Variants in SEMA3A observed in about 807,000 individuals in gnomAD.
SEMA3A encodes semaphorin-3A.
In SEMA3A, 29 loss-of-function variants were observed where a neutral mutation model predicts 97.9. That is an observed-to-expected ratio of 0.30 (90% CI 0.22 to 0.40). The LOEUF is 0.40. Among genes scored for constraint, SEMA3A ranks in the 10% least tolerant of loss-of-function variants. The pLI is 1.00. For synonymous variants in SEMA3A, 321 were observed against 323.7 expected, an observed-to-expected ratio of 0.99 and a Z score of 0.09; for missense variants, 763 against 951.3, an observed-to-expected ratio of 0.80 and a Z score of 2.60.
chr7:84,042,899 A>G (rs781550152), intron 6 of SEMA3A, among the ~76,000 whole-genome samples: 14 of 152,120 alleles, frequency 9.2e-5, no homozygotes, highest in Non-Finnish European at 4.4e-5. Flanking sequence ...ACTAAATGTT[A>G]AGATATCATT....
chr7:84,425,467 A>ATATTTATATGCATATAAATATATG lies in SEMA3A; in HGVS notation c.-245-53568_-245-53567insCATATATTTATATGCATATAAATA, dbSNP rs1562943618. 2.2e-5 allele frequency among the ~76,000 whole-genome samples: 3 copies of ATATTTATATGCATATAAATATATG among 139,434 alleles called. 1 individual carries two copies. The highest frequency in any genetic ancestry group is 4.3e-4 in the South Asian group (2 of 4,676). The allele number at this position is 139,434 out of a possible 152,430, so 91.5% of individuals were successfully genotyped here. ...TATATTTATATGCATATAAATATAT[A>ATATTTATATGCATATAAATATATG]CATATATTTATATAAAAATATAATT... On this transcript the variant is annotated intron_variant, in intron 1 of 3. Transcript: ENST00000424555.
chr7:84,086,391 T>C (rs1794342280), intron 4 of SEMA3A, among the ~76,000 whole-genome samples: 1 of 149,290 alleles, frequency 6.7e-6, no homozygotes, highest in Non-Finnish European at 1.5e-5. Context: ...GATGATAACA[T>C]ATACACTCTT....
chr7:83,971,705 T>C (rs1201396271), intron 15 of SEMA3A, among the ~76,000 whole-genome samples: 1 of 152,128 alleles, frequency 6.6e-6, no homozygotes, highest in Non-Finnish European at 1.5e-5. Context: ...GCTTAACCCA[T>C]TTACTAGAAA....
At chr7:84,281,997 C>G (rs972854281) in intron 3 of SEMA3A, among the ~76,000 whole-genome samples, 1 of 152,152 alleles carries the variant, frequency 6.6e-6, no homozygotes, top group African/African-American at 2.4e-5. Context: ...CCAGAAGCCA[C>G]ACTGAAATGG....
intron 2 of SEMA3A, among the ~76,000 whole-genome samples, chr7:84,312,875 TATATATATATATATA>T (rs1562898125): frequency 7.8e-5 from 1 of 12,844 alleles, no homozygotes; most frequent in East Asian, 2.7e-3. Flanking sequence ...TGTTGTTTTA[TATATATATATATATA>T]TATATATATA....
rs185326723 is a variant in SEMA3A, at chr7:84,435,305, G to A, written c.-246+57155C>T. On this transcript the variant is annotated intron_variant, in intron 1 of 3. Coordinates refer to the SEMA3A transcript ENST00000424555. ...CTACCTGGGAACACATCTGTCCAAA[G>A]AGGTGAAAGATCTCTACGAGGAGGC... Among the ~76,000 whole-genome samples the A allele has an allele frequency of 1.6e-4, 25 of 152,058 alleles. No homozygotes were observed. In the South Asian group the frequency reaches 1.7e-3, roughly 10 times the overall value.
intron 3 of SEMA3A, among the ~76,000 whole-genome samples, chr7:84,244,993 G>A (rs1799447486): frequency 6.6e-6 from 1 of 152,092 alleles, no homozygotes; most frequent in South Asian, 2.1e-4. Flanking sequence ...TGGGTAACCC[G>A]ACCTTTCTCT....
intron 1 of SEMA3A, among the ~76,000 whole-genome samples, chr7:84,175,743 T>C (rs1275478054): frequency 1.3e-5 from 2 of 151,886 alleles, no homozygotes; most frequent in Non-Finnish European, 2.9e-5. Context: ...CCTTTTTTTT[T>C]CCCTGTCTGT....
intron 2 of SEMA3A, among the ~76,000 whole-genome samples, chr7:84,361,986 T>G (rs2116067801): frequency 6.6e-6 from 1 of 152,090 alleles, no homozygotes; most frequent in South Asian, 2.1e-4. Context: ...TTTTCTTTGG[T>G]TTTTAAAATT....
At chr7:84,171,928 T>C (rs1797394898) in intron 1 of SEMA3A, among the ~76,000 whole-genome samples, 1 of 152,108 alleles carries the variant, frequency 6.6e-6, no homozygotes, top group Non-Finnish European at 1.5e-5. Context: ...CAAACAAGGG[T>C]CAAAAAGGGA....
chr7:84,265,576 CAT>C (rs1181005892), intron 3 of SEMA3A, among the ~76,000 whole-genome samples: 2 of 147,238 alleles, frequency 1.4e-5, no homozygotes, highest in Admixed American at 6.9e-5. Flanking sequence ...ATATTTAAGA[CAT>C]ATATATATTT....
At chr7:84,031,697 G>A (rs759629340) in intron 6 of SEMA3A, among the ~76,000 whole-genome samples, 3 of 151,980 alleles carry the variant, frequency 2.0e-5, no homozygotes, top group African/African-American at 4.8e-5. Flanking sequence ...TCAGCTGGGT[G>A]TGGTGGTGCA....
At chr7:84,293,129 TG>T (rs1317373221) in intron 3 of SEMA3A, among the ~76,000 whole-genome samples, 1 of 152,072 alleles carries the variant, frequency 6.6e-6, no homozygotes, top group African/African-American at 2.4e-5. Flanking sequence ...ATTATTTCTA[TG>T]TCTATACCTA....
chr7:83,977,279 A>AAT lies in SEMA3A; in HGVS notation c.1653-85_1653-84dup, dbSNP rs150425956. 1,755 of 594,320 alleles carry AAT rather than the reference A, an allele frequency of 3.0e-3. 1 individual carries two copies. Among genetic ancestry groups the AAT allele is most frequent in the Middle Eastern group, 6.6e-3 (14 of 2,114 alleles). 36.8% of individuals were successfully genotyped at this position (594,320 alleles called of 1,614,324 possible). ...TTGTCATAAGAATGAAGAGAAATAA[A>AAT]ATATATATATATATATCATAGACTC... On this transcript the variant is annotated intron_variant, in intron 14 of 16. Transcript: ENST00000265362.
chr7:84,138,225 C>CT (rs776980250), intron 1 of SEMA3A, among the ~76,000 whole-genome samples: 3 of 149,194 alleles, frequency 2.0e-5, no homozygotes, highest in South Asian at 2.1e-4. Context: ...TATTTTTTTT[C>CT]TTTTTTTTTA....
chr7:84,431,465 C>G lies in SEMA3A; in HGVS notation c.-245-59565G>C, dbSNP rs952389096. Among the ~76,000 whole-genome samples, 3 of 152,002 alleles carry G rather than the reference C, an allele frequency of 2.0e-5. No homozygotes were observed. In the South Asian group the frequency reaches 6.2e-4, roughly 31 times the overall value. On this transcript the variant is annotated intron_variant, in intron 1 of 3. Transcript: ENST00000424555. Reference sequence around the variant, plus strand: ...ATGCTTTGCCAAGCTTAGAATATAACTAGTTTTCCAAAAAGCATATGCTCA... The same window carrying G: ...ATGCTTTGCCAAGCTTAGAATATAAGTAGTTTTCCAAAAAGCATATGCTCA...
chr7:84,233,369 T>C (rs1162203972), intron 3 of SEMA3A, among the ~76,000 whole-genome samples: 1 of 151,950 alleles, frequency 6.6e-6, no homozygotes, highest in African/African-American at 2.4e-5. Context: ...TTGTTTTCTT[T>C]TATACTCCCC....
chr7:84,007,108 A>G (rs1790698370), intron 10 of SEMA3A, among the ~76,000 whole-genome samples: 1 of 152,194 alleles, frequency 6.6e-6, no homozygotes, highest in African/African-American at 2.4e-5. Context: ...AAAAATTAAA[A>G]TAAGATTTAA....
At chr7:84,203,996 A>T (rs1021580942) in intron 3 of SEMA3A, among the ~76,000 whole-genome samples, 5 of 152,128 alleles carry the variant, frequency 3.3e-5, no homozygotes, top group African/African-American at 1.2e-4. Context: ...AGGAAATTTC[A>T]TTGTTATTAA....
Sources: allele counts gnomAD v4.1 joint callset (sites outside exome capture counted in the v4.1 genomes callset), GRCh38; gene constraint gnomAD v4.1.1; transcripts MANE v1.5; gene names NCBI Gene and HGNC (gene_info 2026-07-23, HGNC 2026-07-21).